The following PDGFD variants were observed in gnomAD, a reference collection of about 807,000 sequenced individuals.
PDGFD encodes platelet derived growth factor D.
Under a neutral mutation model 44.7 loss-of-function variants are expected in PDGFD, and 30 were observed. The ratio of observed to expected loss-of-function variants is 0.67; its 90% CI spans 0.50 to 0.91. The LOEUF is 0.91. PDGFD is among the 40% of genes least tolerant of loss of function. The probability of loss-of-function intolerance (pLI) is 0.00; values close to 1 mark genes in which losing one functional copy is unlikely to be tolerated. For missense variants in PDGFD, 445 were observed against 457.8 expected (o/e 0.97, Z 0.25); for synonymous variants, 173 against 168.4 (o/e 1.03, Z -0.21).
chr11:104,073,841 C>T (rs571298646), intron 1 of PDGFD, among the ~76,000 whole-genome samples: 1 of 152,260 alleles, frequency 6.6e-6, no homozygotes, highest in South Asian at 2.1e-4. Flanking sequence ...TGTTTATCTC[C>T]AGAATGTGAG....
At chr11:104,060,785 C>T (rs983135362) in intron 1 of PDGFD, among the ~76,000 whole-genome samples, 5 of 152,176 alleles carry the variant, frequency 3.3e-5, no homozygotes, top group African/African-American at 1.2e-4. Flanking sequence ...ATAACTCATT[C>T]ATTTAAAGTA....
At chr11:104,061,762 C>T (rs1268370640) in intron 1 of PDGFD, among the ~76,000 whole-genome samples, 1 of 152,152 alleles carries the variant, frequency 6.6e-6, no homozygotes, top group Non-Finnish European at 1.5e-5. Context: ...TGCATGCCAC[C>T]ATGCCTGACT....
chr11:104,063,330 GGAGAGAGA>G (rs149925266), intron 1 of PDGFD, among the ~76,000 whole-genome samples: 4 of 148,384 alleles, frequency 2.7e-5, no homozygotes, highest in Admixed American at 6.8e-5. Context: ...GAGAGAGAGA[GGAGAGAGA>G]GAGAGAGAGA....
intron 1 of PDGFD, among the ~76,000 whole-genome samples, chr11:104,146,820 G>A (rs746924657): frequency 1.0e-3 from 159 of 151,998 alleles, no homozygotes; most frequent in Non-Finnish European, 1.9e-3. Context: ...TACTATTCCA[G>A]GAGCCAGAGG....
chr11:103,942,497 T>A (rs1858600494), intron 5 of PDGFD, among the ~76,000 whole-genome samples: 1 of 152,096 alleles, frequency 6.6e-6, no homozygotes, highest in South Asian at 2.1e-4. Context: ...GCCTTAATGT[T>A]CCTCTCGGTT....
chr11:104,086,889 A>T (rs954225938), intron 1 of PDGFD, among the ~76,000 whole-genome samples: 1 of 152,186 alleles, frequency 6.6e-6, no homozygotes, highest in Non-Finnish European at 1.5e-5. Context: ...CTGCAGGAAA[A>T]TTAGAGTCTA....
intron 3 of PDGFD, among the ~76,000 whole-genome samples, chr11:103,975,118 G>A (rs574949624): frequency 6.6e-6 from 1 of 152,228 alleles, no homozygotes; most frequent in African/African-American, 2.4e-5. Flanking sequence ...ACCAACAGTG[G>A]AAAAGCATTC....
At chr11:104,072,807 A>G (rs1052561774) in intron 1 of PDGFD, among the ~76,000 whole-genome samples, 1 of 151,976 alleles carries the variant, frequency 6.6e-6, no homozygotes, top group African/African-American at 2.4e-5. Flanking sequence ...CTTTTTCAGA[A>G]TCTCTGGAAG....
intron 1 of PDGFD, among the ~76,000 whole-genome samples, chr11:104,138,026 T>A (rs1439285429): frequency 6.6e-6 from 1 of 152,174 alleles, no homozygotes; most frequent in Non-Finnish European, 1.5e-5. Context: ...CTGCTCATCT[T>A]GTATCCTCCA....
chr11:104,072,896 T>C (rs1017886739), intron 1 of PDGFD, among the ~76,000 whole-genome samples: 3 of 152,082 alleles, frequency 2.0e-5, no homozygotes, highest in Non-Finnish European at 2.9e-5. Context: ...TAGTGAAACA[T>C]CTTTGAAATT....
chr11:103,912,761 C>G (rs1480109961), intron 6 of PDGFD, among the ~76,000 whole-genome samples: 1 of 151,196 alleles, frequency 6.6e-6, no homozygotes, highest in African/African-American at 2.4e-5. Context: ...CACACATAGG[C>G]TCAAAATAAA....
intron 1 of PDGFD, among the ~76,000 whole-genome samples, chr11:104,025,415 C>T (rs1860027639): frequency 6.6e-6 from 1 of 152,158 alleles, no homozygotes; most frequent in African/African-American, 2.4e-5. Flanking sequence ...GAAAAACAAA[C>T]ACAACACAAT....
intron 5 of PDGFD, among the ~76,000 whole-genome samples, chr11:103,941,282 G>A (rs1362178890): frequency 6.6e-6 from 1 of 151,988 alleles, no homozygotes; most frequent in Non-Finnish European, 1.5e-5. Flanking sequence ...AGAACCATAG[G>A]AGGTGCTGGG....
chr11:104,101,771 C>A (rs1019411599), intron 1 of PDGFD, among the ~76,000 whole-genome samples: 1 of 151,794 alleles, frequency 6.6e-6, no homozygotes, highest in Non-Finnish European at 1.5e-5. Context: ...GAAATAATGC[C>A]GCATATCTAC....
Position 103,999,274 on chromosome 11 carries a change from T to C in PDGFD, c.329+777A>G, listed in dbSNP as rs72988911. Among the ~76,000 whole-genome samples, 2,530 of 152,152 alleles carry C rather than the reference T, an allele frequency of 0.017. 153 individuals are homozygous for C. In the East Asian group the frequency reaches 0.22, roughly 13 times the overall value. On this transcript the variant is annotated intron_variant, in intron 2 of 6. Transcript: ENST00000393158. Reference sequence around the variant, plus strand: ...AAGGATTTAGCAGTTCAGTAGTTCATTGGCAATGCAGAACAAGTGTGTGCA... The same window carrying C: ...AAGGATTTAGCAGTTCAGTAGTTCACTGGCAATGCAGAACAAGTGTGTGCA...
At chr11:104,120,498 G>A (rs557510289) in intron 1 of PDGFD, among the ~76,000 whole-genome samples, 47 of 151,746 alleles carry the variant, frequency 3.1e-4, no homozygotes, top group Middle Eastern at 3.4e-3. Flanking sequence ...TGGCACCAAC[G>A]GCCTTCGATC....
At chr11:103,966,663 C>T (rs761664807) in intron 3 of PDGFD, among the ~76,000 whole-genome samples, 5 of 152,130 alleles carry the variant, frequency 3.3e-5, no homozygotes, top group Non-Finnish European at 7.4e-5. Flanking sequence ...ATATTCTCTT[C>T]AAAAATAAAA....
intron 3 of PDGFD, among the ~76,000 whole-genome samples, chr11:103,961,806 A>G (rs952741387): frequency 6.6e-6 from 1 of 152,176 alleles, no homozygotes; most frequent in Non-Finnish European, 1.5e-5. Context: ...CTTTTCCTAC[A>G]TACAGGAAAC....
chr11:104,081,112 GT>G (rs1861039924), intron 1 of PDGFD, among the ~76,000 whole-genome samples: 1 of 152,038 alleles, frequency 6.6e-6, no homozygotes, highest in Non-Finnish European at 1.5e-5. Context: ...GATTATATAT[GT>G]TTATTTTTGT....
Sources: allele counts gnomAD v4.1 joint callset (sites outside exome capture counted in the v4.1 genomes callset), GRCh38; gene constraint gnomAD v4.1.1; transcripts MANE v1.5; gene names NCBI Gene and HGNC (gene_info 2026-07-23, HGNC 2026-07-21).